HMMR: variants seen among roughly 807,000 people sequenced by gnomAD.
HMMR encodes the protein hyaluronan mediated motility receptor, also known as intracellular hyaluronic acid-binding protein.
A neutral mutation model predicts 101.0 loss-of-function variants in HMMR; 108 were observed. The observed-to-expected ratio is 1.07, with a 90% CI of 0.92 to 1.25. The LOEUF (loss-of-function observed/expected upper bound fraction) is 1.25, where lower values mean the gene tolerates loss of function less well. Ranked by LOEUF, HMMR falls within the 50% of genes most tolerant of loss-of-function variation. The probability of loss-of-function intolerance (pLI) is 0.00; values close to 1 mark genes in which losing one functional copy is unlikely to be tolerated. For missense variants in HMMR, 813 were observed against 788.7 expected (o/e 1.03, Z -0.37); for synonymous variants, 296 against 276.4 (o/e 1.07, Z -0.70).
chr5:163,466,704 C>A (rs1484907738), intron 3 of HMMR, among the ~76,000 whole-genome samples: 1 of 151,916 alleles, frequency 6.6e-6, no homozygotes, highest in Non-Finnish European at 1.5e-5. Flanking sequence ...AGACTTAGTA[C>A]AAAAATATAA....
chr5:163,479,180 T>A (rs532060734), intron 12 of HMMR, among the ~76,000 whole-genome samples: 1 of 152,232 alleles, frequency 6.6e-6, no homozygotes, highest in Admixed American at 6.5e-5. Flanking sequence ...AATTCAGAAG[T>A]TTTTATCTCT....
At chr5:163,469,553 C>A in intron 4 of HMMR, 88 bp from the exon 5 acceptor site, 2 of 1,077,404 alleles carry the variant, frequency 1.9e-6, no homozygotes, top group Admixed American at 4.6e-5. Flanking sequence ...GAGATTTTTC[C>A]AGAAACTTTA....
rs1226017792 is a variant in HMMR, at chr5:163,473,383, G to T, written c.730G>T (p.Ala244Ser). The T allele has an allele frequency of 6.2e-7, 1 of 1,607,994 alleles. No homozygotes were observed. Among genetic ancestry groups the T allele is most frequent in the Non-Finnish European group, 8.5e-7 (1 of 1,176,804 alleles). Residue 244 changes from alanine (A) to serine (S), a missense_variant, in exon 9 of 18, where the codon GCT becomes TCT. By Grantham distance (99) the Ala-to-Ser change is moderately conservative (BLOSUM62 1). Coordinates refer to ENST00000393915, the MANE Select transcript of HMMR (RefSeq NM_001142556.2). ...LLEYIEEISC[A>S]SDQVEKYKLD... is the part of the protein sequence containing the mutation. ...AGATAATTTGTTTTAATGCAGTTGT[G>T]CTTCAGATCAAGTGGAAAAATACAA...
At position 163,483,976 on chromosome 5, in the gene HMMR, T is replaced by C. The variant is rs41275325; in HGVS notation, c.1786-93T>C. The C allele has an allele frequency of 7.0e-3, 4,739 of 679,836 alleles. 27 individuals are homozygous for C. Among genetic ancestry groups the C allele is most frequent in the Non-Finnish European group, 9.1e-3 (3,613 of 399,082 alleles). The allele number at this position is 679,836 out of a possible 1,614,324, so 42.1% of individuals were successfully genotyped here. ...TGTGAACATACCTTGTTTTCATTTG[T>C]GTTTTTAATTTTCTTTAGTGTTTAT... On this transcript the variant is annotated intron_variant, in intron 15 of 17. Transcript: ENST00000393915.
intron 1 of HMMR, 66 bp from the exon 2 acceptor site, chr5:163,463,790 G>T: frequency 1.7e-6 from 1 of 605,164 alleles, no homozygotes; most frequent in South Asian, 3.6e-5. Flanking sequence ...ACTTTATTAT[G>T]ACATGTTTTA....
chr5:163,482,709 G>A lies in HMMR; in HGVS notation c.1453G>A (p.Ala485Thr), dbSNP rs753446707. 1.2e-5 allele frequency: 19 copies of A among 1,613,420 alleles called. No homozygotes were observed. Among genetic ancestry groups the A allele is most frequent in the Non-Finnish European group, 5.1e-6 (6 of 1,179,504 alleles). Residue 485 changes from alanine (A) to threonine (T), a missense_variant, in exon 13 of 18, where the codon GCG becomes ACG. Ala to Thr is a moderately conservative substitution (Grantham distance 58, BLOSUM62 0). Transcript: ENST00000393915. ...KLENSSLQEKAAKAGKNAEDV... is the reference protein window; with the variant it reads ...KLENSSLQEKTAKAGKNAEDV... ...GGAGAACTCATCATTACAGGAAAAA[G>A]CGGCCAAGGCTGGGAAAAATGCAGA...
chr5:163,476,499 A>G (rs1186802385), intron 11 of HMMR, among the ~76,000 whole-genome samples: 1 of 152,174 alleles, frequency 6.6e-6, no homozygotes, highest in Non-Finnish European at 1.5e-5. Flanking sequence ...GGCTGGCACA[A>G]TGGCACATGC....
chr5:163,462,660 C>G (rs1036203644), intron 1 of HMMR, among the ~76,000 whole-genome samples: 2 of 151,796 alleles, frequency 1.3e-5, no homozygotes, highest in African/African-American at 2.4e-5. Context: ...AACCCTGTCT[C>G]TAGTAAAAAT....
chr5:163,467,785 G>A lies in HMMR; in HGVS notation c.273+37G>A. ...TTTAAACTTAGTGAAAAGTACACAT[G>A]ATAGAAAGAGAGTTACACAGATTTA... On this transcript the variant is annotated intron_variant, in intron 4 of 17. Coordinates refer to ENST00000393915, the MANE Select transcript of HMMR (RefSeq NM_001142556.2). 4 of 1,214,754 alleles carry A rather than the reference G, an allele frequency of 3.3e-6. 1 individual carries two copies. In the South Asian group the frequency reaches 4.9e-5, roughly 15 times the overall value. 75.2% of individuals were successfully genotyped at this position (1,214,754 alleles called of 1,614,324 possible). A position where few individuals can be genotyped will look rare whatever the true frequency, so the allele number is the denominator to read the frequency against.
intron 16 of HMMR, among the ~76,000 whole-genome samples, chr5:163,487,069 AC>A (rs975351232): frequency 2.6e-5 from 4 of 152,224 alleles, no homozygotes; most frequent in Non-Finnish European, 4.4e-5. Flanking sequence ...TCTAAAAAAA[AC>A]AAAGATGTCG....
chr5:163,482,735 G>A lies in HMMR; in HGVS notation c.1479G>A (p.Glu493=), dbSNP rs1469599638. The A allele has an allele frequency of 5.6e-6, 9 of 1,613,596 alleles. No homozygotes were observed. Among genetic ancestry groups the A allele is most frequent in the East Asian group, 2.2e-5 (1 of 44,882 alleles). Residue 493 remains glutamate (E), a synonymous_variant, in exon 13 of 18, where the codon GAG becomes GAA. Transcript: ENST00000393915. The part of the protein sequence containing the change: ...EKAAKAGKNA[E]DVQHQILATE... Reference sequence around the variant, plus strand: ...CGGCCAAGGCTGGGAAAAATGCAGAGGATGTTCAGCATCAGATTTTGGCAA... The same window carrying A: ...CGGCCAAGGCTGGGAAAAATGCAGAAGATGTTCAGCATCAGATTTTGGCAA...
At chr5:163,472,364 CATT>C (rs1554096736) in intron 7 of HMMR, among the ~76,000 whole-genome samples, 1 of 152,048 alleles carries the variant, frequency 6.6e-6, no homozygotes, top group Non-Finnish European at 1.5e-5. Flanking sequence ...TCCTTTTGAT[CATT>C]ATTTGGGCTG....
In HMMR at chr5:163,491,051, A is replaced by G. The variant is rs1759675750; in HGVS notation, c.2126-61A>G. 2.8e-5 allele frequency: 26 copies of G among 922,608 alleles called. 1 individual carries two copies. The South Asian group carries it at 3.6e-4, about 13-fold the overall frequency. 57.2% of individuals were successfully genotyped at this position (922,608 alleles called of 1,614,324 possible). A position where few individuals can be genotyped will look rare whatever the true frequency, so the allele number is the denominator to read the frequency against. On this transcript the variant is annotated intron_variant, in intron 17 of 17. Transcript: ENST00000393915. ...GATACAAGGCCTGTTTTTAGTTTAT[A>G]ATGATGGATAAATTCGTTTTAATCT... is the stretch of plus-strand genomic sequence containing the variant.
At chr5:163,490,314 C>T in intron 16 of HMMR, 76 bp from the exon 17 acceptor site, 1 of 967,392 alleles carries the variant, frequency 1.0e-6, no homozygotes, top group Non-Finnish European at 1.5e-6. Context: ...TTGGAATTTG[C>T]CCGCAACATT....
At chr5:163,468,375 A>G (rs1055938984) in intron 4 of HMMR, among the ~76,000 whole-genome samples, 2 of 152,224 alleles carry the variant, frequency 1.3e-5, no homozygotes, top group Non-Finnish European at 2.9e-5. Context: ...ACCATGACAG[A>G]AATTTCTATT....
intron 1 of HMMR, 136 bp from the exon 2 acceptor site, chr5:163,463,720 G>C (rs1561634946): frequency 7.0e-6 from 3 of 429,194 alleles, no homozygotes; most frequent in Non-Finnish European, 8.4e-6. Context: ...ATATCAAATG[G>C]ATGCAATTTT....
In HMMR at chr5:163,471,415, GGAGTCTCGAAGAGTCT is replaced by G. The variant is rs765297224; in HGVS notation, c.603_618del (p.Arg201SerfsTer5). The G allele has an allele frequency of 2.7e-5, 44 of 1,614,128 alleles. No homozygotes were observed. In the Admixed American group the frequency reaches 6.3e-4, roughly 23 times the overall value. ...GAGATGAAGCTGCAGGTCACCCAAA[GGAGTCTCGAAGAGTCT>G]CAAGGGAAAATAGCCCAACTGGAGG... On this transcript the variant is annotated frameshift_variant, in exon 7 of 18. Coordinates refer to ENST00000393915, the MANE Select transcript of HMMR (RefSeq NM_001142556.2). LOFTEE classifies it high-confidence loss of function.
intron 15 of HMMR, among the ~76,000 whole-genome samples, chr5:163,483,800 G>T (rs1325873715): frequency 6.6e-6 from 1 of 152,000 alleles, no homozygotes; most frequent in Non-Finnish European, 1.5e-5. Flanking sequence ...GTACAGTATT[G>T]GTTATAATGT....
At position 163,473,406 on chromosome 5, in the gene HMMR, C is replaced by T. The variant is rs764658023; in HGVS notation, c.753C>T (p.Tyr251=). The change falls in exon 9 of 18, where the codon TAC becomes TAT. Residue 251 remains tyrosine (Y), a synonymous_variant. Transcript: ENST00000393915. ...ISCASDQVEK[Y]KLDIAQLEEN... Reference sequence around the variant, plus strand: ...GTGCTTCAGATCAAGTGGAAAAATACAAGCTAGATATTGCCCAGTTAGAAG... The same window carrying T: ...GTGCTTCAGATCAAGTGGAAAAATATAAGCTAGATATTGCCCAGTTAGAAG... 1.9e-6 allele frequency: 3 copies of T among 1,609,634 alleles called. No individual in the cohort carries two copies. Among genetic ancestry groups the T allele is most frequent in the East Asian group, 2.2e-5 (1 of 44,664 alleles).
Sources: gnomAD v4.1 joint callset for allele counts (sites outside exome capture counted in the v4.1 genomes callset) on GRCh38, gnomAD v4.1.1 for gene constraint, MANE v1.5 for transcripts, NCBI Gene and HGNC (gene_info 2026-07-23, HGNC 2026-07-21) for gene names.